The following TNFSF11 variants were observed in gnomAD, a reference collection of about 807,000 sequenced individuals.
The protein encoded by TNFSF11 is tumor necrosis factor ligand superfamily member 11.
TNFSF11 carries 12 observed loss-of-function variants against 32.2 expected under a neutral mutation model. That is an observed-to-expected ratio of 0.37 (90% CI 0.24 to 0.60). The LOEUF is 0.60. TNFSF11 is among the 20% of genes least tolerant of loss of function. The probability of loss-of-function intolerance (pLI) is 0.66; values close to 1 mark genes in which losing one functional copy is unlikely to be tolerated. For synonymous variants in TNFSF11, 172 were observed against 152.1 expected, an observed-to-expected ratio of 1.13 and a Z score of -0.96; for missense variants, 345 against 398.0, an observed-to-expected ratio of 0.87 and a Z score of 1.13.
intron 2 of TNFSF11, among the ~76,000 whole-genome samples, chr13:42,600,441 C>A (rs778436689): frequency 1.1e-4 from 16 of 152,166 alleles, no homozygotes; most frequent in Non-Finnish European, 1.6e-4. Flanking sequence ...CATTTGTGTA[C>A]CTGCTACAGA....
chr13:42,575,613 C>T (rs1396243062), intron 1 of TNFSF11, among the ~76,000 whole-genome samples: 2 of 152,102 alleles, frequency 1.3e-5, no homozygotes, highest in African/African-American at 4.8e-5. Flanking sequence ...GTGCCAATGT[C>T]TCGAACTCCA....
At position 42,579,426 on chromosome 13, in the gene TNFSF11, A is replaced by AC. The variant is rs1324875494; in HGVS notation, c.220-1700_220-1699insC. 2.0e-5 allele frequency among the ~76,000 whole-genome samples: 3 copies of AC among 151,452 alleles called. No homozygotes were observed. In the East Asian group the frequency reaches 5.8e-4, roughly 29 times the overall value. Reference sequence around the variant, plus strand: ...CAAGACCCTGTCTTCAAAAAAAAAAAAAAAAGGAAAAGAAAAAGAGAAAGA... The same window carrying AC: ...CAAGACCCTGTCTTCAAAAAAAAAAACAAAAAGGAAAAGAAAAAGAGAAAGA... On this transcript the variant is annotated intron_variant, in intron 1 of 4. Transcript: ENST00000398795.
At chr13:42,563,634 G>A (rs533268081) in intron 1 of TNFSF11, among the ~76,000 whole-genome samples, 1 of 145,786 alleles carries the variant, frequency 6.9e-6, no homozygotes, top group Admixed American at 6.9e-5. Context: ...TTGCACTCCA[G>A]CCTGGGCAAC....
chr13:42,596,431 G>A (rs1225989017), intron 2 of TNFSF11, among the ~76,000 whole-genome samples: 2 of 152,136 alleles, frequency 1.3e-5, no homozygotes, highest in Admixed American at 6.5e-5. Flanking sequence ...AGGGAGTCAC[G>A]CTAGGGATTC....
chr13:42,571,079 T>C (rs1382364380), upstream of TNFSF11, among the ~76,000 whole-genome samples: 1 of 152,242 alleles, frequency 6.6e-6, no homozygotes, highest in Non-Finnish European at 1.5e-5. Context: ...TAGTGGGTTC[T>C]CACTAATATA....
intron 1 of TNFSF11, among the ~76,000 whole-genome samples, chr13:42,565,994 TG>T (rs2137841530): frequency 6.6e-6 from 1 of 152,242 alleles, no homozygotes; most frequent in East Asian, 1.9e-4. Flanking sequence ...AGAGAGTATG[TG>T]GGGATGGGAA....
At chr13:42,603,850 G>T (rs1479431193) in intron 4 of TNFSF11, among the ~76,000 whole-genome samples, 1 of 152,182 alleles carries the variant, frequency 6.6e-6, no homozygotes, top group Non-Finnish European at 1.5e-5. Flanking sequence ...TTAATTACGG[G>T]CAGACTGCCT....
At chr13:42,599,349 C>CTATCTATCTATCTATCATCTATCT (rs11385072) in intron 2 of TNFSF11, among the ~76,000 whole-genome samples, 4 of 112,246 alleles carry the variant, frequency 3.6e-5, no homozygotes, top group South Asian at 7.1e-4. Context: ...ATCTATCTAT[C>CTATCTATCTATCTATCATCTATCT]ATCTATCTAT....
intron 4 of TNFSF11, among the ~76,000 whole-genome samples, chr13:42,605,006 A>C (rs1320588250): frequency 6.6e-6 from 1 of 152,046 alleles, no homozygotes; most frequent in African/African-American, 2.4e-5. Flanking sequence ...GCTGGTCTCG[A>C]ACTCCCGACC....
chr13:42,571,008 A>T (rs753726319), upstream of TNFSF11, among the ~76,000 whole-genome samples: 1 of 150,916 alleles, frequency 6.6e-6, no homozygotes, highest in African/African-American at 2.4e-5. Flanking sequence ...TTTTTTTCCC[A>T]CTAGGGTGTA....
intron 1 of TNFSF11, among the ~76,000 whole-genome samples, chr13:42,578,096 T>C (rs1049732949): frequency 2.6e-5 from 4 of 152,256 alleles, no homozygotes; most frequent in Non-Finnish European, 5.9e-5. Context: ...GTGCCTGGCA[T>C]GTCTAATTTA....
At chr13:42,599,809 A>G (rs1423740902) in intron 2 of TNFSF11, among the ~76,000 whole-genome samples, 2 of 152,130 alleles carry the variant, frequency 1.3e-5, no homozygotes, top group Non-Finnish European at 2.9e-5. Flanking sequence ...ACCTCAAGTG[A>G]TCCGCCCATG....
At chr13:42,605,496 G>A (rs1329449314) in intron 4 of TNFSF11, among the ~76,000 whole-genome samples, 1 of 152,194 alleles carries the variant, frequency 6.6e-6, no homozygotes, top group Non-Finnish European at 1.5e-5. Context: ...GTTTATCACA[G>A]AGGTATTGCC....
At chr13:42,584,588 A>G (rs1259074085) in intron 2 of TNFSF11, among the ~76,000 whole-genome samples, 1 of 152,246 alleles carries the variant, frequency 6.6e-6, no homozygotes, top group Non-Finnish European at 1.5e-5. Context: ...CAATAATGGC[A>G]GAATTTTCAC....
intron 2 of TNFSF11, among the ~76,000 whole-genome samples, chr13:42,592,320 T>C (rs910418575): frequency 1.3e-5 from 2 of 152,234 alleles, no homozygotes; most frequent in Non-Finnish European, 2.9e-5. Context: ...GGGGTTCCCA[T>C]GACCTCCTAC....
chr13:42,607,551 C>T lies in TNFSF11; in HGVS notation c.*633C>T, dbSNP rs201083807. 1 of 152,668 alleles carries T rather than the reference C, an allele frequency of 6.6e-6. No individual in the cohort carries two copies. The highest frequency in any genetic ancestry group is 2.4e-5 in the African/African-American group (1 of 41,408). The allele number at this position is 152,668 out of a possible 1,614,324, so 9.5% of individuals were successfully genotyped here. On this transcript the variant is annotated 3_prime_UTR_variant, in exon 5 of 5. Transcript: ENST00000398795. ...TTAACTGGTGCACTTTGTAAATTCC[C>T]TGGGGAAAACTTGCAGCTAAGGAGG...
At chr13:42,572,139 TG>T (rs887954959), upstream of TNFSF11, among the ~76,000 whole-genome samples, 2 of 152,046 alleles carry the variant, frequency 1.3e-5, no homozygotes, top group Non-Finnish European at 2.9e-5. Context: ...CAGAAGATAG[TG>T]GGATGACATT....
intron 4 of TNFSF11, among the ~76,000 whole-genome samples, chr13:42,606,174 A>T (rs73468104): frequency 4.6e-5 from 7 of 152,134 alleles, no homozygotes; most frequent in Admixed American, 4.6e-4. Flanking sequence ...TTGAGCTCCC[A>T]TGGGAGTTAC....
chr13:42,565,230 A>AT (rs1181819858), intron 1 of TNFSF11, among the ~76,000 whole-genome samples: 11 of 117,514 alleles, frequency 9.4e-5, no homozygotes, highest in African/African-American at 2.5e-4. Flanking sequence ...ATATATATAT[A>AT]TTTTTTTCTT....
Sources: allele counts gnomAD v4.1 joint callset (sites outside exome capture counted in the v4.1 genomes callset), GRCh38; gene constraint gnomAD v4.1.1; transcripts MANE v1.5; gene names NCBI Gene and HGNC (gene_info 2026-07-23, HGNC 2026-07-21).